PTPRD: variants seen among roughly 807,000 people sequenced by gnomAD.
PTPRD encodes the protein protein tyrosine phosphatase receptor type D.
PTPRD carries 34 observed loss-of-function variants against 214.5 expected under a neutral mutation model. That is an observed-to-expected ratio of 0.16 (90% CI 0.12 to 0.21). The LOEUF is 0.21. Ranked by LOEUF, PTPRD falls within the 10% of genes least tolerant of loss-of-function variation. The pLI is 1.00. For missense variants in PTPRD, 2,545 were observed against 2,398.7 expected, an observed-to-expected ratio of 1.06 and a Z score of -1.27; for synonymous variants, 1,128 against 845.7, an observed-to-expected ratio of 1.33 and a Z score of -5.79.
chr9:10,263,776 A>T (rs543478194), intron 3 of PTPRD, among the ~76,000 whole-genome samples: 69 of 152,280 alleles, frequency 4.5e-4, no homozygotes, highest in African/African-American at 1.6e-3. Flanking sequence ...AATCACCAAG[A>T]CAATGGTGAA....
chr9:9,346,040 A>G (rs956385685), intron 9 of PTPRD, among the ~76,000 whole-genome samples: 5 of 152,154 alleles, frequency 3.3e-5, no homozygotes, highest in African/African-American at 1.2e-4. Context: ...CTTTAAGAGT[A>G]TAGAATAGGG....
chr9:8,355,917 T>C (rs1278741454), intron 39 of PTPRD, among the ~76,000 whole-genome samples: 1 of 152,150 alleles, frequency 6.6e-6, no homozygotes, highest in Non-Finnish European at 1.5e-5. Flanking sequence ...CATTTTTATA[T>C]GTAAATACAG....
intron 9 of PTPRD, among the ~76,000 whole-genome samples, chr9:9,266,194 T>C (rs112328504): frequency 4.6e-5 from 7 of 151,514 alleles, no homozygotes; most frequent in African/African-American, 1.7e-4. Context: ...ATGTAGCAAT[T>C]TTAAACGTGT....
intron 9 of PTPRD, among the ~76,000 whole-genome samples, chr9:9,229,954 G>A (rs924925182): frequency 6.6e-6 from 1 of 151,950 alleles, no homozygotes; most frequent in African/African-American, 2.4e-5. Flanking sequence ...ATTCATTGTT[G>A]AGATTTATTT....
intron 9 of PTPRD, among the ~76,000 whole-genome samples, chr9:9,205,029 G>T (rs996175269): frequency 6.6e-6 from 1 of 151,946 alleles, no homozygotes; most frequent in African/African-American, 2.4e-5. Context: ...GATCTCTAGG[G>T]GTGGCAATTT....
chr9:8,656,963 G>T (rs1293960002), intron 12 of PTPRD, among the ~76,000 whole-genome samples: 4 of 152,116 alleles, frequency 2.6e-5, no homozygotes, highest in Admixed American at 2.6e-4. Flanking sequence ...ATAGTAAGTT[G>T]TAAAGATGAA....
intron 7 of PTPRD, among the ~76,000 whole-genome samples, chr9:9,627,600 A>G (rs1423611152): frequency 1.3e-5 from 2 of 152,222 alleles, no homozygotes; most frequent in East Asian, 3.8e-4. Context: ...ATTTTAACAA[A>G]TAACACTTAA....
chr9:8,752,421 T>G (rs1441164899), intron 11 of PTPRD, among the ~76,000 whole-genome samples: 1 of 152,190 alleles, frequency 6.6e-6, no homozygotes. Context: ...AACCCACTCC[T>G]TGTTTAGCAT....
chr9:9,298,828 A>G (rs1954128745), intron 9 of PTPRD, among the ~76,000 whole-genome samples: 1 of 151,812 alleles, frequency 6.6e-6, no homozygotes, highest in African/African-American at 2.4e-5. Flanking sequence ...ATAAATTTGT[A>G]TATAAGAAAA....
intron 3 of PTPRD, among the ~76,000 whole-genome samples, chr9:10,088,011 A>G (rs942601094): frequency 6.6e-6 from 1 of 151,754 alleles, no homozygotes; most frequent in African/African-American, 2.4e-5. Flanking sequence ...TATGCTTGCA[A>G]TACTTAGCAT....
At chr9:9,780,464 C>G (rs556457447) in intron 5 of PTPRD, among the ~76,000 whole-genome samples, 131 of 152,094 alleles carry the variant, frequency 8.6e-4, no homozygotes, top group African/African-American at 2.7e-3. Context: ...GACATCTCAC[C>G]AAAGAAGATA....
At chr9:8,929,759 A>ATATATATGTGTATATATATGTGTG (rs2098933510) in intron 11 of PTPRD, among the ~76,000 whole-genome samples, 4 of 44,458 alleles carry the variant, frequency 9.0e-5, no homozygotes, top group Non-Finnish European at 1.7e-4. Flanking sequence ...ATATATATGT[A>ATATATATGTGTATATATATGTGTG]TATATATGTG....
At chr9:9,438,776 G>A (rs1202103701) in intron 8 of PTPRD, among the ~76,000 whole-genome samples, 1 of 152,058 alleles carries the variant, frequency 6.6e-6, no homozygotes, top group Admixed American at 6.6e-5. Flanking sequence ...ACATTCTAGT[G>A]TTAAATAATT....
chr9:8,390,239 T>C (rs1304653607), intron 36 of PTPRD, among the ~76,000 whole-genome samples: 2 of 152,160 alleles, frequency 1.3e-5, no homozygotes. Context: ...CTTCCCCTTA[T>C]ACTTCAAATA....
intron 7 of PTPRD, among the ~76,000 whole-genome samples, chr9:9,709,718 G>A (rs901003996): frequency 1.3e-5 from 2 of 151,828 alleles, no homozygotes; most frequent in Non-Finnish European, 2.9e-5. Flanking sequence ...ATCTTAAAGG[G>A]GCAAATTTTT....
chr9:8,357,403 T>C (rs1010661667), intron 39 of PTPRD, among the ~76,000 whole-genome samples: 6 of 152,338 alleles, frequency 3.9e-5, no homozygotes, highest in African/African-American at 1.4e-4. Flanking sequence ...GCCTCACTCA[T>C]GGAGTCTAGG....
At chr9:10,359,404 G>A (rs1203035112) in intron 2 of PTPRD, among the ~76,000 whole-genome samples, 1 of 151,844 alleles carries the variant, frequency 6.6e-6, no homozygotes, top group Non-Finnish European at 1.5e-5. Flanking sequence ...ACATCTTTAA[G>A]TTGTTTCTTC....
intron 8 of PTPRD, among the ~76,000 whole-genome samples, chr9:9,492,670 C>T (rs1359013147): frequency 3.3e-5 from 5 of 151,520 alleles, no homozygotes; most frequent in South Asian, 2.1e-4. Context: ...ATAAAAGTCA[C>T]GTACAGGCAT....
At chr9:9,447,609 AG>A (rs1473776927) in intron 8 of PTPRD, among the ~76,000 whole-genome samples, 2 of 152,046 alleles carry the variant, frequency 1.3e-5, no homozygotes, top group Admixed American at 1.3e-4. Flanking sequence ...CTATGCAACA[AG>A]CCCCAATGGC....
Sources: gnomAD v4.1 joint callset for allele counts (sites outside exome capture counted in the v4.1 genomes callset) on GRCh38, gnomAD v4.1.1 for gene constraint, MANE v1.5 for transcripts, NCBI Gene and HGNC (gene_info 2026-07-23, HGNC 2026-07-21) for gene names.